ANK3: variants seen among roughly 807,000 people sequenced by gnomAD.
The protein encoded by ANK3 is ankyrin 3, also known as ankyrin-3.
A neutral mutation model predicts 370.9 loss-of-function variants in ANK3; 57 were observed. The observed-to-expected ratio is 0.15, with a 90% confidence interval of 0.12 to 0.19. ANK3 has a LOEUF of 0.19. Ranked by LOEUF, ANK3 falls within the 10% of genes least tolerant of loss-of-function variation. The pLI, the probability that ANK3 is intolerant of heterozygous loss-of-function variation, is 1.00. For missense variants in ANK3, 4,439 were observed against 5,302.1 expected (o/e 0.84, Z 5.06); for synonymous variants, 1,929 against 1,946.3 (o/e 0.99, Z 0.23).
chr10:60,377,513 G>A (rs988098599), intron 1 of ANK3, among the ~76,000 whole-genome samples: 1 of 152,166 alleles, frequency 6.6e-6, no homozygotes, highest in Admixed American at 6.5e-5. Flanking sequence ...TAAAGCTTCA[G>A]TCATGCACCA....
intron 2 of ANK3, among the ~76,000 whole-genome samples, chr10:60,534,965 C>T (rs1397007684): frequency 1.3e-5 from 2 of 152,110 alleles, no homozygotes; most frequent in African/African-American, 2.4e-5. Flanking sequence ...ACTGTTAAAC[C>T]TTCAGGGATC....
intron 43 of ANK3, among the ~76,000 whole-genome samples, chr10:60,032,296 T>G (rs906334813): frequency 2.2e-5 from 3 of 133,754 alleles, no homozygotes; most frequent in Middle Eastern, 9.7e-3. Context: ...AACCTCCGCC[T>G]CCCGGGTTCA....
chr10:60,151,982 T>C (rs2095141089), intron 23 of ANK3, among the ~76,000 whole-genome samples: 1 of 151,840 alleles, frequency 6.6e-6, no homozygotes, highest in African/African-American at 2.4e-5. Flanking sequence ...GCTTAATGCC[T>C]AGCACATAGA....
intron 1 of ANK3, among the ~76,000 whole-genome samples, chr10:60,316,348 A>G (rs2047407426): frequency 1.3e-5 from 2 of 152,140 alleles, no homozygotes; most frequent in South Asian, 4.2e-4. Flanking sequence ...ATGGTTCCCT[A>G]TGTTAAAAGT....
intron 1 of ANK3, among the ~76,000 whole-genome samples, chr10:60,659,187 A>G (rs1386282861): frequency 6.6e-6 from 1 of 152,180 alleles, no homozygotes; most frequent in Non-Finnish European, 1.5e-5. Context: ...GGACACAAAA[A>G]GTAGAATTAA....
At position 60,507,809 on chromosome 10, in the gene ANK3, C is replaced by G. The variant is rs529245058; in HGVS notation, c.96+107377G>C. On this transcript the variant is annotated intron_variant, in intron 2 of 43. Coordinates refer to the ANK3 transcript ENST00000373827. ...ACAGTCCTATAATGTTTTTTAAAAGCTACTTAATACTTTAAAAAGTCTATA... is the reference window on the plus strand; with the variant it reads ...ACAGTCCTATAATGTTTTTTAAAAGGTACTTAATACTTTAAAAAGTCTATA... 2.0e-5 allele frequency: 3 copies of G among 152,058 alleles called. No individual in the cohort carries two copies. In the South Asian group the frequency reaches 6.2e-4, roughly 32 times the overall value. 9.4% of individuals were successfully genotyped at this position (152,058 alleles called of 1,614,324 possible).
intron 2 of ANK3, among the ~76,000 whole-genome samples, chr10:60,476,094 A>C (rs746340092): frequency 6.6e-6 from 1 of 152,218 alleles, no homozygotes; most frequent in Non-Finnish European, 1.5e-5. Flanking sequence ...GCCAGGAGCT[A>C]AGAGAAATGA....
chr10:60,700,237 T>C (rs201762503), intron 1 of ANK3, among the ~76,000 whole-genome samples: 1 of 152,162 alleles, frequency 6.6e-6, no homozygotes, highest in East Asian at 1.9e-4. Flanking sequence ...ATAATTCCAA[T>C]ACAGATAAAT....
chr10:60,663,394 G>A (rs1258899686), intron 1 of ANK3, among the ~76,000 whole-genome samples: 1 of 152,122 alleles, frequency 6.6e-6, no homozygotes, highest in Non-Finnish European at 1.5e-5. Context: ...GCTCTACCTT[G>A]ACCAGTGTTA....
At chr10:60,493,286 T>C (rs1179302115) in intron 2 of ANK3, among the ~76,000 whole-genome samples, 1 of 151,994 alleles carries the variant, frequency 6.6e-6, no homozygotes, top group East Asian at 1.9e-4. Flanking sequence ...TTTGGGATGT[T>C]CTCTTAGTAA....
At chr10:60,316,185 A>G (rs1483870577) in intron 1 of ANK3, among the ~76,000 whole-genome samples, 1 of 152,136 alleles carries the variant, frequency 6.6e-6, no homozygotes, top group East Asian at 1.9e-4. Flanking sequence ...GGATTCTCCT[A>G]ATCTGCCATC....
chr10:60,272,206 G>T (rs529612013), intron 4 of ANK3, among the ~76,000 whole-genome samples: 1 of 151,594 alleles, frequency 6.6e-6, no homozygotes, highest in South Asian at 2.1e-4. Flanking sequence ...TTCAAAGGGA[G>T]TTTAGGATTA....
At chr10:60,652,671 T>G (rs2078805358) in intron 1 of ANK3, among the ~76,000 whole-genome samples, 1 of 139,518 alleles carries the variant, frequency 7.2e-6, no homozygotes, top group Non-Finnish European at 1.5e-5. Context: ...TTTGAGGAGG[T>G]GACACCCTTC....
chr10:60,431,780 C>A (rs2132979743), intron 2 of ANK3, among the ~76,000 whole-genome samples: 1 of 152,144 alleles, frequency 6.6e-6, no homozygotes, highest in African/African-American at 2.4e-5. Context: ...ACATGTATCC[C>A]AGAACTTAAA....
At chr10:60,108,761 G>A (rs2092440503) in intron 27 of ANK3, 69 bp downstream of exon 27, 1 of 1,364,002 alleles carries the variant, frequency 7.3e-7, no homozygotes, top group East Asian at 2.3e-5. Context: ...ATCTCCTTGA[G>A]TTAACAAGGG....
chr10:60,499,892 C>T (rs557527501), intron 2 of ANK3, among the ~76,000 whole-genome samples: 11 of 152,304 alleles, frequency 7.2e-5, no homozygotes, highest in African/African-American at 2.4e-4. Context: ...CCATACTGTT[C>T]CCAAACCCCA....
At chr10:60,082,859 A>T in intron 33 of ANK3, 122 bp from the exon 34 acceptor site, 1 of 1,171,588 alleles carries the variant, frequency 8.5e-7, no homozygotes, top group Non-Finnish European at 1.2e-6. Flanking sequence ...GTAAAGGGAA[A>T]AGATGATGAT....
chr10:60,693,492 A>G (rs1178975457), intron 1 of ANK3, among the ~76,000 whole-genome samples: 2 of 152,222 alleles, frequency 1.3e-5, no homozygotes, highest in Non-Finnish European at 2.9e-5. Context: ...GCAGACTTAA[A>G]TGTCCCTGTC....
At chr10:60,257,997 C>G (rs1354434058) in intron 7 of ANK3, among the ~76,000 whole-genome samples, 2 of 152,196 alleles carry the variant, frequency 1.3e-5, no homozygotes, top group East Asian at 3.8e-4. Flanking sequence ...AAAATTCAGC[C>G]AGCAAAGTAT....
Sources: allele counts gnomAD v4.1 joint callset (sites outside exome capture counted in the v4.1 genomes callset), GRCh38; gene constraint gnomAD v4.1.1; transcripts MANE v1.5; gene names NCBI Gene and HGNC (gene_info 2026-07-23, HGNC 2026-07-21).